The following ADCY2 variants were observed in gnomAD, a reference collection of about 807,000 sequenced individuals.
ADCY2 encodes the protein adenylate cyclase 2.
ADCY2 carries 31 observed loss-of-function variants against 125.2 expected under a neutral mutation model. That is an observed-to-expected ratio of 0.25 (90% CI 0.19 to 0.33). ADCY2 has a LOEUF of 0.33. Ranked by LOEUF, ADCY2 falls within the 10% of genes least tolerant of loss-of-function variation. ADCY2 has a pLI of 1.00. For missense variants in ADCY2, 904 were observed against 1,418.2 expected (o/e 0.64, Z 5.82); for synonymous variants, 512 against 548.4 (o/e 0.93, Z 0.93).
At chr5:7,681,799 C>G (rs904740560) in intron 4 of ADCY2, among the ~76,000 whole-genome samples, 1 of 152,098 alleles carries the variant, frequency 6.6e-6, no homozygotes, top group African/African-American at 2.4e-5. Context: ...AAAAGGGGGG[C>G]CATTGTCCCC....
rs182895439 is a variant in ADCY2, at chr5:7,753,148, C to T, written c.1957-4301C>T. ...TCCTGACCTCATGATCTGCCCATCT[C>T]AGCCTCCCAAAGTGCTGGGATTACA... is the stretch of plus-strand genomic sequence containing the variant. On this transcript the variant is annotated intron_variant, in intron 15 of 24. Transcript: ENST00000338316. 2.0e-5 allele frequency among the ~76,000 whole-genome samples: 3 copies of T among 152,284 alleles called. No homozygotes were observed. In the East Asian group the frequency reaches 5.8e-4, roughly 29 times the overall value.
intron 14 of ADCY2, among the ~76,000 whole-genome samples, chr5:7,732,709 ATG>A (rs1307366482): frequency 4.1e-5 from 2 of 48,446 alleles, no homozygotes; most frequent in African/African-American, 6.6e-5. Context: ...AAATTGCCTC[ATG>A]TGTTTTTGAA....
intron 4 of ADCY2, among the ~76,000 whole-genome samples, chr5:7,632,368 A>G (rs1188499250): frequency 6.6e-6 from 1 of 152,018 alleles, no homozygotes; most frequent in Non-Finnish European, 1.5e-5. Flanking sequence ...TTTCTTTGGT[A>G]TCTCCTCCTT....
At chr5:7,409,049 A>G (rs946170374) in intron 1 of ADCY2, among the ~76,000 whole-genome samples, 8 of 152,252 alleles carry the variant, frequency 5.3e-5, no homozygotes, top group Non-Finnish European at 1.2e-4. Flanking sequence ...CTATGCAGCC[A>G]TGAAAAACAA....
At position 7,396,605 on chromosome 5, in the gene ADCY2, C is replaced by G; in HGVS notation, c.210+99C>G. On this transcript the variant is annotated intron_variant, in intron 1 of 24. Coordinates refer to ENST00000338316, the MANE Select transcript of ADCY2 (RefSeq NM_020546.3). This position sits in a 1 kb window ranked among gnomAD's most constrained non-coding sequence, Gnocchi z 5.7. ...TCCCGCTCCGGGCTGCCCCTCGGCCCGCGGCAGCCCCTCGGCCCGCGGCAG... is the reference window on the plus strand; with the variant it reads ...TCCCGCTCCGGGCTGCCCCTCGGCCGGCGGCAGCCCCTCGGCCCGCGGCAG... 1.5e-6 allele frequency: 1 copy of G among 678,634 alleles called. No homozygotes were observed. Among genetic ancestry groups the G allele is most frequent in the Non-Finnish European group, 2.0e-6 (1 of 506,496 alleles). The allele number at this position is 678,634 out of a possible 1,614,324, so 42.0% of individuals were successfully genotyped here.
intron 16 of ADCY2, among the ~76,000 whole-genome samples, chr5:7,763,086 T>A (rs1207176517): frequency 1.3e-5 from 2 of 152,112 alleles, no homozygotes; most frequent in Admixed American, 6.5e-5. Context: ...TTTGTTTTTC[T>A]GTTTCTAATG....
intron 2 of ADCY2, among the ~76,000 whole-genome samples, chr5:7,505,848 C>G (rs1743791827): frequency 6.6e-6 from 1 of 152,200 alleles, no homozygotes; most frequent in East Asian, 1.9e-4. Context: ...CTTTTCTCAT[C>G]TGAAGCGCTG....
chr5:7,399,184 T>C (rs1455990273), intron 1 of ADCY2, among the ~76,000 whole-genome samples: 4 of 152,318 alleles, frequency 2.6e-5, no homozygotes, highest in Admixed American at 2.6e-4. Flanking sequence ...ATTCCTTTTT[T>C]TCCCCCTGAA....
intron 2 of ADCY2, among the ~76,000 whole-genome samples, chr5:7,432,942 A>G (rs1740662301): frequency 5.0e-5 from 2 of 39,862 alleles, no homozygotes; most frequent in African/African-American, 2.4e-4. Flanking sequence ...CTTATTGTAC[A>G]TCAGTTATAC....
At chr5:7,557,018 A>G (rs551663553) in intron 3 of ADCY2, among the ~76,000 whole-genome samples, 13 of 152,142 alleles carry the variant, frequency 8.5e-5, no homozygotes, top group Non-Finnish European at 1.5e-4. Flanking sequence ...TAAAAATTTT[A>G]TTTGTGCAAA....
intron 6 of ADCY2, among the ~76,000 whole-genome samples, chr5:7,697,645 A>C (rs1740937968): frequency 6.6e-6 from 1 of 152,198 alleles, no homozygotes; most frequent in African/African-American, 2.4e-5. Context: ...AGCCCAGAAA[A>C]ATAATGAGGT....
chr5:7,510,740 A>C (rs1039559084), intron 2 of ADCY2, among the ~76,000 whole-genome samples: 2 of 152,220 alleles, frequency 1.3e-5, no homozygotes, highest in Non-Finnish European at 2.9e-5. Flanking sequence ...GACCCAGGTT[A>C]CCAAATGTAC....
At chr5:7,784,581 A>G in intron 19 of ADCY2, 132 bp downstream of exon 19, 1 of 625,872 alleles carries the variant, frequency 1.6e-6, no homozygotes, top group East Asian at 2.8e-5. Context: ...ATCACTGAAG[A>G]TAAAACTAGT....
intron 24 of ADCY2, among the ~76,000 whole-genome samples, chr5:7,825,736 G>A (rs1745456228): frequency 6.6e-6 from 1 of 152,208 alleles, no homozygotes. Flanking sequence ...GTGTCTCACT[G>A]GTTCTCTGCT....
chr5:7,432,679 C>T (rs1482515634), intron 2 of ADCY2, among the ~76,000 whole-genome samples: 1 of 152,182 alleles, frequency 6.6e-6, no homozygotes, highest in East Asian at 1.9e-4. Context: ...AACTATTAGG[C>T]AAATGCAAAT....
intron 2 of ADCY2, among the ~76,000 whole-genome samples, chr5:7,441,640 A>C (rs1265365875): frequency 2.6e-5 from 4 of 152,174 alleles, no homozygotes; most frequent in Non-Finnish European, 5.9e-5. Flanking sequence ...TTATATAACC[A>C]CCATGATATT....
intron 3 of ADCY2, among the ~76,000 whole-genome samples, chr5:7,531,708 C>G (rs1278047723): frequency 6.6e-6 from 1 of 152,184 alleles, no homozygotes; most frequent in Non-Finnish European, 1.5e-5. Flanking sequence ...CCTGCACTTT[C>G]CTCTCTTCTG....
At chr5:7,769,619 CAT>C (rs1000146861) in intron 17 of ADCY2, among the ~76,000 whole-genome samples, 4 of 152,056 alleles carry the variant, frequency 2.6e-5, no homozygotes, top group African/African-American at 9.7e-5. Context: ...AGTGGGAAAA[CAT>C]AGTCCTTTTA....
Position 7,695,711 on chromosome 5 carries a change from A to G in ADCY2, c.870-41A>G, listed in dbSNP as rs777442996. The G allele has an allele frequency of 4.8e-6, 6 of 1,242,986 alleles. No individual in the cohort carries two copies. The African/African-American group carries it at 9.2e-5, about 19-fold the overall frequency. 77.0% of individuals were successfully genotyped at this position (1,242,986 alleles called of 1,614,324 possible). On this transcript the variant is annotated intron_variant, in intron 5 of 24. Transcript: ENST00000338316. Reference sequence around the variant, plus strand: ...TTATTACTTTCTTAAAAAATGTATAAACTGGAAAACTCTGTCTCCTCACCT... The same window carrying G: ...TTATTACTTTCTTAAAAAATGTATAGACTGGAAAACTCTGTCTCCTCACCT...
Sources: allele counts gnomAD v4.1 joint callset (sites outside exome capture counted in the v4.1 genomes callset), GRCh38; gene constraint gnomAD v4.1.1; non-coding constraint Gnocchi (gnomAD v3.1); transcripts MANE v1.5; gene names NCBI Gene and HGNC (gene_info 2026-07-23, HGNC 2026-07-21).